The following NUAK1 variants were observed in gnomAD, a reference collection of about 807,000 sequenced individuals.
NUAK1 encodes NUAK family kinase 1.
A neutral mutation model predicts 56.9 loss-of-function variants in NUAK1; 26 were observed. That is an observed-to-expected ratio of 0.46 (90% CI 0.33 to 0.63). The LOEUF (loss-of-function observed/expected upper bound fraction) is 0.63. Ranked by LOEUF, NUAK1 falls within the 30% of genes least tolerant of loss-of-function variation. The probability of loss-of-function intolerance (pLI) is 0.02; values close to 1 mark genes in which losing one functional copy is unlikely to be tolerated. For synonymous variants in NUAK1, 337 were observed against 336.0 expected, an observed-to-expected ratio of 1.00 and a Z score of -0.03; for missense variants, 727 against 876.1, an observed-to-expected ratio of 0.83 and a Z score of 2.15.
In NUAK1 at chr12:106,065,791, GA is replaced by G. The variant is rs2032330832; in HGVS notation, c.*1010del. On this transcript the variant is annotated 3_prime_UTR_variant, in exon 7 of 7. Transcript: ENST00000261402. ...AAGAGGCAGCATTCCAGTTAATATT[GA>G]GAAAGAAAGTGACAAGTTGCCTCTT... The G allele has an allele frequency of 6.6e-6, 1 of 152,624 alleles. No homozygotes were observed. Among genetic ancestry groups the G allele is most frequent in the African/African-American group, 2.4e-5 (1 of 41,432 alleles). 9.5% of individuals were successfully genotyped at this position (152,624 alleles called of 1,614,324 possible). A position where few individuals can be genotyped will look rare whatever the true frequency, so the allele number is the denominator to read the frequency against.
At chr12:106,094,759 A>C (rs1208935198) in intron 2 of NUAK1, among the ~76,000 whole-genome samples, 1 of 152,238 alleles carries the variant, frequency 6.6e-6, no homozygotes, top group Non-Finnish European at 1.5e-5. Context: ...AGGCAGAAGA[A>C]ATGGTAAGAA....
Position 106,086,826 on chromosome 12 carries a change from A to G in NUAK1, c.421T>C (p.Tyr141His). Residue 141 changes from tyrosine to histidine, a missense_variant, in exon 3 of 7, where the codon TAC (tyrosine) becomes CAC (histidine). Physicochemically the swap from Tyr to His is moderately conservative, Grantham distance 83. Transcript: ENST00000261402. ...IMEYASKGEL[Y>H]DYISERRRLS... ...CGTCGCCGCTCACTGATGTAATCGT[A>G]CAGCTCCCCTTTGCTGGCATATTCC... 1 of 1,614,204 alleles carries G rather than the reference A, an allele frequency of 6.2e-7. No individual in the cohort carries two copies. The highest frequency in any genetic ancestry group is 8.5e-7 in the Non-Finnish European group (1 of 1,180,026).
Position 106,067,216 on chromosome 12 carries a change from G to A in NUAK1, c.1572C>T (p.Ile524=). ...CTGAGTATTTGCTGCTGTGTTTCAA[G>A]ATGCCCTTCCTCCGGCAGGAGAGGC... is the stretch of plus-strand genomic sequence containing the variant. ...SHSLSCRRKG[I]LKHSSKYSAG... The change falls in exon 7 of 7, where the codon ATC becomes ATT. Residue 524 remains isoleucine, a synonymous_variant. Coordinates refer to ENST00000261402, the MANE Select transcript of NUAK1 (RefSeq NM_014840.3). The surrounding 1 kb of genome is among the most constrained non-coding windows in gnomAD (Gnocchi z 6.0). 6.2e-7 allele frequency: 1 copy of A among 1,614,084 alleles called. No individual in the cohort carries two copies. The highest frequency in any genetic ancestry group is 8.5e-7 in the Non-Finnish European group (1 of 1,180,012).
At position 106,064,158 on chromosome 12, in the gene NUAK1, T is replaced by A. The variant is rs569993962; in HGVS notation, c.*2644A>T. The A allele has an allele frequency of 1.3e-5, 2 of 152,770 alleles. No individual in the cohort carries two copies. Among genetic ancestry groups the A allele is most frequent in the South Asian group, 2.1e-4 (1 of 4,828 alleles). The allele number at this position is 152,770 out of a possible 1,614,324, so 9.5% of individuals were successfully genotyped here. A position where few individuals can be genotyped will look rare whatever the true frequency, so the allele number is the denominator to read the frequency against. ...TAATTCCACAGAAGTGAATAAAGCA[T>A]AACTTCTTTGACTGGGATTGGCTGG... is the stretch of plus-strand genomic sequence containing the variant. On this transcript the variant is annotated 3_prime_UTR_variant, in exon 7 of 7. Coordinates refer to ENST00000261402, the MANE Select transcript of NUAK1 (RefSeq NM_014840.3).
At chr12:106,129,979 T>C (rs1364123435) in intron 1 of NUAK1, among the ~76,000 whole-genome samples, 1 of 151,086 alleles carries the variant, frequency 6.6e-6, no homozygotes, top group Non-Finnish European at 1.5e-5. Context: ...CCTCATTCCT[T>C]TTTTTTTTCT....
At chr12:106,096,245 T>G (rs1026934649) in intron 2 of NUAK1, among the ~76,000 whole-genome samples, 1 of 151,808 alleles carries the variant, frequency 6.6e-6, no homozygotes, top group African/African-American at 2.4e-5. Context: ...CCCAGGAGGG[T>G]GAGGCAGGAC....
intron 2 of NUAK1, 137 bp from the exon 3 acceptor site, chr12:106,087,022 A>G: frequency 9.0e-7 from 1 of 1,108,170 alleles, no homozygotes; most frequent in Non-Finnish European, 1.3e-6. Flanking sequence ...CAAATCAGCC[A>G]ATTCAGCATC....
intron 1 of NUAK1, among the ~76,000 whole-genome samples, chr12:106,108,813 A>T (rs181539985): frequency 6.6e-6 from 1 of 152,186 alleles, no homozygotes; most frequent in Non-Finnish European, 1.5e-5. Flanking sequence ...AGGGTAAAAA[A>T]ATAGGCCCAC....
At chr12:106,085,936 G>C (rs11112858) in intron 3 of NUAK1, among the ~76,000 whole-genome samples, 1 of 151,964 alleles carries the variant, frequency 6.6e-6, no homozygotes, top group South Asian at 2.1e-4. Flanking sequence ...TGAACTCCTG[G>C]GCTCAAGCAA....
intron 5 of NUAK1, among the ~76,000 whole-genome samples, chr12:106,072,167 G>A (rs1447623904): frequency 6.6e-6 from 1 of 151,166 alleles, no homozygotes; most frequent in African/African-American, 2.5e-5. Flanking sequence ...ATACAAAAAA[G>A]ATATTTACCC....
intron 1 of NUAK1, among the ~76,000 whole-genome samples, chr12:106,123,977 T>C (rs999970939): frequency 2.6e-5 from 4 of 152,300 alleles, no homozygotes; most frequent in Admixed American, 2.6e-4. Flanking sequence ...TTCATAAAAT[T>C]AGAACTCATT....
At chr12:106,126,215 T>A (rs2033023238) in intron 1 of NUAK1, among the ~76,000 whole-genome samples, 1 of 152,228 alleles carries the variant, frequency 6.6e-6, no homozygotes, top group Non-Finnish European at 1.5e-5. Flanking sequence ...CAGGGTTAGA[T>A]GCACATTCTA....
intron 6 of NUAK1, 56 bp downstream of exon 6, chr12:106,070,717 TG>T: frequency 6.2e-7 from 1 of 1,601,146 alleles, no homozygotes; most frequent in Middle Eastern, 1.8e-4. Flanking sequence ...AAATAAGAGT[TG>T]GGTAAGCAGA....
chr12:106,134,875 A>T (rs533862896), intron 1 of NUAK1, among the ~76,000 whole-genome samples: 154 of 152,290 alleles, frequency 1.0e-3, no homozygotes, highest in Middle Eastern at 6.8e-3. Context: ...CTTCCTATGG[A>T]CACACCTCCC....
chr12:106,067,245 G>A lies in NUAK1; in HGVS notation c.1543C>T (p.His515Tyr). 2 of 1,614,116 alleles carry A rather than the reference G, an allele frequency of 1.2e-6. No homozygotes were observed. The highest frequency in any genetic ancestry group is 1.7e-6 in the Non-Finnish European group (2 of 1,180,014). The change falls in exon 7 of 7, where the codon CAC becomes TAC. Residue 515 changes from histidine (H) to tyrosine (Y), a missense_variant. Transcript: ENST00000261402. This position sits in a 1 kb window ranked among gnomAD's most constrained non-coding sequence, Gnocchi z 6.0. ...SPPDPARVTS[H>Y]SLSCRRKGIL... Reference sequence around the variant, plus strand: ...CCCTTCCTCCGGCAGGAGAGGCTGTGGGAGGTTACCCTGGCTGGGTCCGGG... The same window carrying A: ...CCCTTCCTCCGGCAGGAGAGGCTGTAGGAGGTTACCCTGGCTGGGTCCGGG...
chr12:106,102,209 T>C (rs2032756759), intron 2 of NUAK1, among the ~76,000 whole-genome samples: 1 of 152,172 alleles, frequency 6.6e-6, no homozygotes, highest in Non-Finnish European at 1.5e-5. Context: ...CGCAAAACAC[T>C]TGGAGGCACT....
chr12:106,116,743 C>A (rs1163403291), intron 1 of NUAK1, among the ~76,000 whole-genome samples: 2 of 152,190 alleles, frequency 1.3e-5, no homozygotes, highest in East Asian at 3.9e-4. Flanking sequence ...GACATGAAGG[C>A]CCCATCGAGG....
intron 1 of NUAK1, among the ~76,000 whole-genome samples, chr12:106,124,488 AC>A (rs979670668): frequency 1.6e-4 from 24 of 152,192 alleles, no homozygotes; most frequent in African/African-American, 5.5e-4. Flanking sequence ...ACTGATGAAA[AC>A]CCCTGCCCTG....
chr12:106,116,602 A>T (rs2032918979), intron 1 of NUAK1, among the ~76,000 whole-genome samples: 1 of 152,230 alleles, frequency 6.6e-6, no homozygotes, highest in East Asian at 1.9e-4. Context: ...CACATAAATA[A>T]ATAGGAGGTC....
Sources: gnomAD v4.1 joint callset for allele counts (sites outside exome capture counted in the v4.1 genomes callset) on GRCh38, gnomAD v4.1.1 for gene constraint, Gnocchi (gnomAD v3.1) non-coding constraint, MANE v1.5 for transcripts, NCBI Gene and HGNC (gene_info 2026-07-23, HGNC 2026-07-21) for gene names.